RABGAP1L: variants seen among roughly 807,000 people sequenced by gnomAD.
The protein encoded by RABGAP1L is rab GTPase-activating protein 1-like.
In RABGAP1L, 63 loss-of-function variants were observed where a neutral mutation model predicts 137.7. The ratio of observed to expected loss-of-function variants is 0.46; its 90% CI spans 0.37 to 0.56. The LOEUF (loss-of-function observed/expected upper bound fraction) is 0.56. Ranked by LOEUF, RABGAP1L falls within the 20% of genes least tolerant of loss-of-function variation. The probability of loss-of-function intolerance (pLI) is 0.00; values close to 1 mark genes in which losing one functional copy is unlikely to be tolerated. For missense variants in RABGAP1L, 1,095 were observed against 1,244.0 expected (o/e 0.88, Z 1.80); for synonymous variants, 431 against 433.7 (o/e 0.99, Z 0.08).
At chr1:174,865,756 A>G (rs1651098063) in intron 19 of RABGAP1L, among the ~76,000 whole-genome samples, 1 of 152,318 alleles carries the variant, frequency 6.6e-6, no homozygotes, top group South Asian at 2.1e-4. Context: ...CAACATAGCA[A>G]GAACCTGTAA....
chr1:174,296,114 G>A (rs994646768), intron 10 of RABGAP1L, among the ~76,000 whole-genome samples: 3 of 152,138 alleles, frequency 2.0e-5, no homozygotes, highest in African/African-American at 7.2e-5. Context: ...TGTCAGGAAA[G>A]GCAAGAGAGG....
intron 17 of RABGAP1L, among the ~76,000 whole-genome samples, chr1:174,713,869 C>G (rs1186457900): frequency 6.6e-6 from 1 of 152,200 alleles, no homozygotes; most frequent in East Asian, 1.9e-4. Context: ...TCAGTAACTT[C>G]CTATCTGTTC....
chr1:174,225,494 CTT>C (rs59323156), intron 3 of RABGAP1L, among the ~76,000 whole-genome samples: 6,252 of 105,700 alleles, frequency 0.059, 499 homozygotes, highest in African/African-American at 0.2. Context: ...AGAATGTTGA[CTT>C]TTTTTTTTTT....
chr1:174,886,875 C>T (rs556358127), intron 19 of RABGAP1L, among the ~76,000 whole-genome samples: 6 of 151,192 alleles, frequency 4.0e-5, no homozygotes, highest in East Asian at 3.9e-4. Flanking sequence ...GGCGCAATCT[C>T]GGCTTACTGT....
intron 14 of RABGAP1L, among the ~76,000 whole-genome samples, 156 bp from the exon 15 acceptor site, chr1:174,683,366 C>T (rs1473196815): frequency 6.6e-6 from 1 of 152,074 alleles, no homozygotes; most frequent in African/African-American, 2.4e-5. Flanking sequence ...TTGGGGATCT[C>T]ACTGTGCTAG....
chr1:174,853,735 C>CA (rs1331566546), intron 19 of RABGAP1L, among the ~76,000 whole-genome samples: 2 of 151,204 alleles, frequency 1.3e-5, no homozygotes, highest in Admixed American at 6.6e-5. Flanking sequence ...CACTCCATCT[C>CA]AAAAAAACAA....
chr1:174,667,057 G>A (rs985428110), intron 14 of RABGAP1L, among the ~76,000 whole-genome samples: 1 of 149,822 alleles, frequency 6.7e-6, no homozygotes, highest in African/African-American at 2.4e-5. Context: ...ATGTATAAAT[G>A]TTAGCACCAG....
At chr1:174,334,484 A>G (rs775913273) in intron 11 of RABGAP1L, among the ~76,000 whole-genome samples, 1 of 152,228 alleles carries the variant, frequency 6.6e-6, no homozygotes, top group African/African-American at 2.4e-5. Flanking sequence ...TCTGTTTACC[A>G]TGATTCACAA....
chr1:174,417,169 TCTTATATC>T (rs1260090687), intron 13 of RABGAP1L, among the ~76,000 whole-genome samples: 2 of 152,178 alleles, frequency 1.3e-5, no homozygotes, highest in Non-Finnish European at 2.9e-5. Flanking sequence ...AACTTATTCT[TCTTATATC>T]CTTCCCACCC....
intron 1 of RABGAP1L, among the ~76,000 whole-genome samples, chr1:174,206,209 T>C (rs1307322795): frequency 6.6e-6 from 1 of 152,198 alleles, no homozygotes; most frequent in African/African-American, 2.4e-5. Flanking sequence ...CAGAATAAGA[T>C]GTTTGAGAAT....
intron 13 of RABGAP1L, among the ~76,000 whole-genome samples, chr1:174,435,799 T>TCA: frequency 7.5e-6 from 1 of 132,642 alleles, no homozygotes; most frequent in African/African-American, 3.4e-5. Context: ...ATGCTATCCC[T>TCA]CCCCTCTCCC....
intron 19 of RABGAP1L, among the ~76,000 whole-genome samples, chr1:174,883,224 T>G (rs1408756513): frequency 6.6e-6 from 1 of 152,242 alleles, no homozygotes; most frequent in Non-Finnish European, 1.5e-5. Flanking sequence ...TTTTCTCATC[T>G]GAAAACTGAG....
intron 13 of RABGAP1L, among the ~76,000 whole-genome samples, chr1:174,620,155 A>G (rs886754530): frequency 1.3e-5 from 2 of 152,326 alleles, no homozygotes; most frequent in South Asian, 4.1e-4. Context: ...GAGACCTGCA[A>G]GAGACTTAGA....
intron 11 of RABGAP1L, among the ~76,000 whole-genome samples, chr1:174,320,526 C>T (rs772239561): frequency 1.2e-4 from 18 of 152,150 alleles, no homozygotes; most frequent in African/African-American, 3.9e-4. Flanking sequence ...TGAATTGTTG[C>T]GGGAAGTCAG....
intron 13 of RABGAP1L, among the ~76,000 whole-genome samples, chr1:174,514,327 A>G (rs1446537075): frequency 6.6e-6 from 1 of 151,602 alleles, no homozygotes; most frequent in Non-Finnish European, 1.5e-5. Flanking sequence ...AAATTTAGGT[A>G]AGGAAAGTGG....
At chr1:174,585,885 G>A (rs1169513994) in intron 13 of RABGAP1L, among the ~76,000 whole-genome samples, 1 of 152,040 alleles carries the variant, frequency 6.6e-6, no homozygotes, top group East Asian at 1.9e-4. Flanking sequence ...GTCTATGTGT[G>A]TGTATTTATT....
At chr1:174,521,746 C>G (rs1367681756) in intron 13 of RABGAP1L, among the ~76,000 whole-genome samples, 1 of 152,070 alleles carries the variant, frequency 6.6e-6, no homozygotes, top group African/African-American at 2.4e-5. Context: ...GCATCTTATA[C>G]AACTCAGAAA....
intron 13 of RABGAP1L, among the ~76,000 whole-genome samples, chr1:174,482,719 C>T (rs747762431): frequency 4.0e-4 from 61 of 152,202 alleles, no homozygotes; most frequent in Admixed American, 6.5e-4. Flanking sequence ...TCAAGCAATC[C>T]TCCCTCCTTG....
chr1:174,351,924 C>T (rs545924668), intron 11 of RABGAP1L, among the ~76,000 whole-genome samples: 1 of 152,226 alleles, frequency 6.6e-6, no homozygotes, highest in African/African-American at 2.4e-5. Context: ...GCCTCAGCCT[C>T]CCAGGTAGCT....
Sources: gnomAD v4.1 joint callset for allele counts (sites outside exome capture counted in the v4.1 genomes callset) on GRCh38, gnomAD v4.1.1 for gene constraint, MANE v1.5 for transcripts, NCBI Gene and HGNC (gene_info 2026-07-23, HGNC 2026-07-21) for gene names.